SEPSECS: variants seen among roughly 807,000 people sequenced by gnomAD.
SEPSECS encodes the protein O-phosphoseryl-tRNA(Sec) selenium transferase.
In SEPSECS, 42 loss-of-function variants were observed where a neutral mutation model predicts 52.1. The observed-to-expected ratio is 0.81, with a 90% CI of 0.63 to 1.04. SEPSECS has a LOEUF of 1.04. Ranked by LOEUF, SEPSECS falls within the 50% of genes least tolerant of loss-of-function variation. The pLI is 0.00. For missense variants in SEPSECS, 590 were observed against 610.6 expected, an observed-to-expected ratio of 0.97 and a Z score of 0.36; for synonymous variants, 216 against 211.4, an observed-to-expected ratio of 1.02 and a Z score of -0.19.
At chr4:25,160,547 T>C (rs1288632952), upstream of SEPSECS, 7 of 533,650 alleles carry the variant, frequency 1.3e-5, no homozygotes, top group African/African-American at 1.2e-4. Flanking sequence ...GCGCAGACCT[T>C]CTCAGATGGC....
chr4:25,134,881 CAACTAAATTAT>C (rs1728773468), intron 8 of SEPSECS, among the ~76,000 whole-genome samples: 1 of 152,122 alleles, frequency 6.6e-6, no homozygotes, highest in South Asian at 2.1e-4. Context: ...GACCACAACA[CAACTAAATTAT>C]AACTCAAGGT....
At position 25,154,412 on chromosome 4, in the gene SEPSECS, G is replaced by A. The variant is rs1490342775; in HGVS notation, c.701+586C>T. ...AACAGAAATCTGTATTACTAGACAT[G>A]AGCCTATTACATTTTCAGAATAAAA... is the stretch of plus-strand genomic sequence containing the variant. On this transcript the variant is annotated intron_variant, in intron 5 of 10. Coordinates refer to ENST00000382103, the MANE Select transcript of SEPSECS (RefSeq NM_016955.4). 4.6e-5 allele frequency among the ~76,000 whole-genome samples: 7 copies of A among 152,276 alleles called. No individual in the cohort carries two copies. In the South Asian group the frequency reaches 6.2e-4, roughly 14 times the overall value.
At position 25,125,688 on chromosome 4, in the gene SEPSECS, A is replaced by C; in HGVS notation, c.1211+6T>G. ...ATAAACCCATATCTATCTTAAACAT[A>C]CTTACCTGGCTCCAGAAACCTGTCT... On this transcript the variant is annotated splice_donor_region_variant and intron_variant, in intron 10 of 10. Coordinates refer to ENST00000382103, the MANE Select transcript of SEPSECS (RefSeq NM_016955.4). 6.3e-7 allele frequency: 1 copy of C among 1,597,642 alleles called. No individual in the cohort carries two copies. Among genetic ancestry groups the C allele is most frequent in the South Asian group, 1.1e-5 (1 of 90,390 alleles).
chr4:25,136,431 T>A (rs971592239), intron 8 of SEPSECS, among the ~76,000 whole-genome samples: 22 of 152,008 alleles, frequency 1.4e-4, no homozygotes, highest in African/African-American at 5.3e-4. Context: ...AGCCAAATCA[T>A]TCATGATTTG....
intron 8 of SEPSECS, among the ~76,000 whole-genome samples, chr4:25,131,113 T>C (rs1292488140): frequency 6.6e-6 from 1 of 152,222 alleles, no homozygotes; most frequent in Non-Finnish European, 1.5e-5. Flanking sequence ...TTCAAGATGT[T>C]AATGGAAGAG....
At chr4:25,141,404 T>C (rs568367147) in intron 8 of SEPSECS, among the ~76,000 whole-genome samples, 1 of 152,282 alleles carries the variant, frequency 6.6e-6, no homozygotes, top group African/African-American at 2.4e-5. Flanking sequence ...CTCTCTACTT[T>C]GCAACTCTAT....
intron 8 of SEPSECS, among the ~76,000 whole-genome samples, chr4:25,133,822 T>C (rs896400739): frequency 3.4e-5 from 5 of 145,952 alleles, no homozygotes; most frequent in African/African-American, 7.5e-5. Context: ...ATTATTCCCT[T>C]AAAAAAAAAA....
At chr4:25,143,351 TC>T (rs1711722613) in intron 8 of SEPSECS, among the ~76,000 whole-genome samples, 1 of 152,168 alleles carries the variant, frequency 6.6e-6, no homozygotes, top group South Asian at 2.1e-4. Context: ...CCCTCCCCAA[TC>T]CCTACCCTTT....
At chr4:25,141,319 A>G (rs1711533873) in intron 8 of SEPSECS, among the ~76,000 whole-genome samples, 5 of 152,098 alleles carry the variant, frequency 3.3e-5, no homozygotes. Flanking sequence ...AATCTCATCT[A>G]GTCTCTTGGC....
chr4:25,149,737 C>A (rs1426808320), intron 6 of SEPSECS, among the ~76,000 whole-genome samples: 1 of 152,100 alleles, frequency 6.6e-6, no homozygotes, highest in Non-Finnish European at 1.5e-5. Flanking sequence ...GAATAAAAAT[C>A]AATCACTGAA....
chr4:25,160,525 G>C, upstream of SEPSECS: 1 of 635,326 alleles, frequency 1.6e-6, no homozygotes, highest in Non-Finnish European at 2.7e-6. Flanking sequence ...AACACTTCTC[G>C]TTCGTGCACA....
At chr4:25,142,790 C>G (rs572612810) in intron 8 of SEPSECS, among the ~76,000 whole-genome samples, 125 of 152,244 alleles carry the variant, frequency 8.2e-4, no homozygotes, top group Middle Eastern at 3.4e-3. Flanking sequence ...ACCAATATGC[C>G]TTATACTGGA....
intron 6 of SEPSECS, among the ~76,000 whole-genome samples, chr4:25,148,788 T>C (rs527617942): frequency 6.6e-6 from 1 of 152,302 alleles, no homozygotes; most frequent in Non-Finnish European, 1.5e-5. Flanking sequence ...GACTTAATCA[T>C]CCCACAATCT....
At chr4:25,124,311 C>T (rs1728270529) in intron 10 of SEPSECS, 86 bp from the exon 11 acceptor site, 1 of 1,269,556 alleles carries the variant, frequency 7.9e-7, no homozygotes. Context: ...TGTTACAAAG[C>T]CTTACATCCA....
At position 25,145,091 on chromosome 4, in the gene SEPSECS, C is replaced by T. The variant is rs1313592081; in HGVS notation, c.847G>A (p.Asp283Asn). Reference protein sequence around the residue: ...GRIDAFVQSLDKNFMVPVGGA... With the variant: ...GRIDAFVQSLNKNFMVPVGGA... ...CCTACTGGAACCATAAAATTTTTGT[C>T]CAAGCTCTGAACAAAAGCATCTATT... The change falls in exon 7 of 11, where the codon GAC becomes AAC. Residue 283 changes from aspartate (D) to asparagine (N), a missense_variant. By Grantham distance (23) the Asp-to-Asn change is conservative (BLOSUM62 1). Coordinates refer to ENST00000382103, the MANE Select transcript of SEPSECS (RefSeq NM_016955.4). 1 of 1,613,836 alleles carries T rather than the reference C, an allele frequency of 6.2e-7. No individual in the cohort carries two copies. Among genetic ancestry groups the T allele is most frequent in the South Asian group, 1.1e-5 (1 of 91,062 alleles).
chr4:25,149,589 G>T (rs1712182925), intron 6 of SEPSECS, among the ~76,000 whole-genome samples: 1 of 152,164 alleles, frequency 6.6e-6, no homozygotes, highest in African/African-American at 2.4e-5. Context: ...ATTTGTTAGG[G>T]TAATAGCATT....
intron 9 of SEPSECS, among the ~76,000 whole-genome samples, 194 bp downstream of exon 9, chr4:25,127,070 T>C (rs1219503413): frequency 2.0e-5 from 3 of 152,242 alleles, no homozygotes; most frequent in Non-Finnish European, 2.9e-5. Context: ...TCTCAGTGTA[T>C]AGGCTTTATC....
At chr4:25,132,098 C>T (rs1728632701) in intron 8 of SEPSECS, among the ~76,000 whole-genome samples, 1 of 152,166 alleles carries the variant, frequency 6.6e-6, no homozygotes, top group South Asian at 2.1e-4. Context: ...CAGAGCTCCA[C>T]TCTCTCTGAT....
intron 8 of SEPSECS, among the ~76,000 whole-genome samples, chr4:25,142,180 G>A (rs907458154): frequency 6.6e-6 from 1 of 152,160 alleles, no homozygotes; most frequent in African/African-American, 2.4e-5. Context: ...AGGAGGCTGA[G>A]GCAGGAGAAT....
Sources: gnomAD v4.1 joint callset for allele counts (sites outside exome capture counted in the v4.1 genomes callset) on GRCh38, gnomAD v4.1.1 for gene constraint, MANE v1.5 for transcripts, NCBI Gene and HGNC (gene_info 2026-07-23, HGNC 2026-07-21) for gene names.